AFF3: variants seen among roughly 807,000 people sequenced by gnomAD.
The protein encoded by AFF3 is ALF transcription elongation factor 3.
In AFF3, 32 loss-of-function variants were observed where a neutral mutation model predicts 129.7. The observed-to-expected ratio is 0.25, with a 90% CI of 0.19 to 0.33. The LOEUF (loss-of-function observed/expected upper bound fraction) is 0.33. AFF3 is among the 10% of genes least tolerant of loss of function. The probability of loss-of-function intolerance (pLI) is 1.00; values close to 1 mark genes in which losing one functional copy is unlikely to be tolerated. For missense variants in AFF3, 1,373 were observed against 1,592.0 expected (o/e 0.86, Z 2.34); for synonymous variants, 644 against 635.4 (o/e 1.01, Z -0.20).
chr2:99,783,333 C>T (rs72817090), intron 8 of AFF3, among the ~76,000 whole-genome samples: 4,589 of 152,310 alleles, frequency 0.03, 100 homozygotes, highest in Non-Finnish European at 0.042. Context: ...TAGAGCCTGC[C>T]TATCCCAAGG....
chr2:99,664,949 G>A (rs1686548263), intron 12 of AFF3, among the ~76,000 whole-genome samples: 1 of 152,246 alleles, frequency 6.6e-6, no homozygotes, highest in African/African-American at 2.4e-5. Context: ...TTAGATAAGA[G>A]GGAGGTCTCC....
At chr2:99,773,569 G>C (rs1683663995) in intron 8 of AFF3, among the ~76,000 whole-genome samples, 1 of 151,674 alleles carries the variant, frequency 6.6e-6, no homozygotes, top group Non-Finnish European at 1.5e-5. Flanking sequence ...TGGGGGTGGG[G>C]AATCTCAGAG....
intron 12 of AFF3, among the ~76,000 whole-genome samples, chr2:99,665,099 A>G (rs2104371651): frequency 6.6e-6 from 1 of 152,286 alleles, no homozygotes; most frequent in Non-Finnish European, 1.5e-5. Flanking sequence ...CCGGGCCACA[A>G]ATGAGCTCAG....
At position 99,618,221 on chromosome 2, in the gene AFF3, A is replaced by G. The variant is rs544719548; in HGVS notation, c.1185-16600T>C. On this transcript the variant is annotated intron_variant, in intron 13 of 24. Coordinates refer to ENST00000672756, the MANE Select transcript of AFF3 (RefSeq NM_001386135.1). ...GTTTAGATGAGAAAATGCTCATAAC[A>G]TTCTTTTTTTTTTTTTTTTTTTTTT... is the stretch of plus-strand genomic sequence containing the variant. Among the ~76,000 whole-genome samples the G allele has an allele frequency of 6.8e-5, 7 of 103,494 alleles. No homozygotes were observed. The East Asian group carries it at 1.1e-3, about 16-fold the overall frequency. 67.9% of individuals were successfully genotyped at this position (103,494 alleles called of 152,430 possible). A position where few individuals can be genotyped will look rare whatever the true frequency, so the allele number is the denominator to read the frequency against.
In AFF3 at chr2:99,587,220, G is replaced by A. The variant is rs145563096; in HGVS notation, c.2525C>T (p.Ser842Phe). ...IKKSQGEKDS[S>F]SRLATSTSNT... Reference sequence around the variant, plus strand: ...ACTGGTGGAGGTGGCCAGTCTTGAAGAGCTGTCTTTCTCTCCCTGGGACTT... The same window carrying A: ...ACTGGTGGAGGTGGCCAGTCTTGAAAAGCTGTCTTTCTCTCCCTGGGACTT... Residue 842 changes from serine (S) to phenylalanine (F), a missense_variant, in exon 16 of 25, where the codon TCT (serine) becomes TTT (phenylalanine). Physicochemically the swap from Ser to Phe is radical, Grantham distance 155. Around this residue, in one of 9 missense-constraint regions of AFF3, gnomAD observed 466 missense variants for 505.0 expected, o/e 0.92. Transcript: ENST00000672756. 9 of 1,614,082 alleles carry A rather than the reference G, an allele frequency of 5.6e-6. No homozygotes were observed. The highest frequency in any genetic ancestry group is 7.6e-6 in the Non-Finnish European group (9 of 1,180,042).
At chr2:100,051,385 ATAAATCAGCAGC>A (rs1686322563) in intron 4 of AFF3, among the ~76,000 whole-genome samples, 1 of 152,214 alleles carries the variant, frequency 6.6e-6, no homozygotes, top group Non-Finnish European at 1.5e-5. Context: ...TGATCTGCAG[ATAAATCAGCAGC>A]TCAGCAGCTT....
chr2:99,775,986 T>C (rs1483086815), intron 8 of AFF3, among the ~76,000 whole-genome samples: 1 of 152,126 alleles, frequency 6.6e-6, no homozygotes, highest in African/African-American at 2.4e-5. Context: ...AATATAAACT[T>C]TAAAATAAAC....
intron 11 of AFF3, among the ~76,000 whole-genome samples, chr2:99,679,487 C>T (rs1386410688): frequency 6.6e-6 from 1 of 152,166 alleles, no homozygotes; most frequent in Non-Finnish European, 1.5e-5. Context: ...CTCACAAAAG[C>T]CAGTCTCATT....
chr2:100,016,156 GTGC>G (rs1683029514), intron 4 of AFF3, among the ~76,000 whole-genome samples: 1 of 150,984 alleles, frequency 6.6e-6, no homozygotes, highest in East Asian at 2.0e-4. Flanking sequence ...GGTGGTAGAG[GTGC>G]TGGTGGTGGT....
chr2:99,821,526 T>C (rs537616149), intron 8 of AFF3, among the ~76,000 whole-genome samples: 1 of 152,186 alleles, frequency 6.6e-6, no homozygotes, highest in East Asian at 1.9e-4. Context: ...AAAACTCATG[T>C]TTTAAAAAAG....
chr2:99,852,912 A>G (rs550415510), intron 7 of AFF3, among the ~76,000 whole-genome samples: 3 of 152,352 alleles, frequency 2.0e-5, no homozygotes, highest in East Asian at 3.9e-4. Context: ...AGCAATATGC[A>G]ATCTCAATTT....
intron 7 of AFF3, among the ~76,000 whole-genome samples, chr2:99,939,572 A>T (rs1674838877): frequency 6.6e-6 from 1 of 152,242 alleles, no homozygotes; most frequent in Non-Finnish European, 1.5e-5. Flanking sequence ...ATTTGCAACA[A>T]ATTGAAATGA....
At chr2:100,007,070 A>G (rs1293449798) in intron 6 of AFF3, 53 bp from the exon 7 acceptor site, 2 of 1,587,760 alleles carry the variant, frequency 1.3e-6, no homozygotes, top group Non-Finnish European at 1.7e-6. Flanking sequence ...GTCGACACAT[A>G]GGGATTTTCT....
At chr2:99,888,998 G>A (rs1299036639) in intron 7 of AFF3, among the ~76,000 whole-genome samples, 5 of 152,214 alleles carry the variant, frequency 3.3e-5, no homozygotes, top group African/African-American at 4.8e-5. Flanking sequence ...TAAAAATAAT[G>A]ATGTAGCTGT....
At chr2:99,567,635 G>A (rs1415880777) in intron 19 of AFF3, among the ~76,000 whole-genome samples, 1 of 152,148 alleles carries the variant, frequency 6.6e-6, no homozygotes, top group East Asian at 1.9e-4. Flanking sequence ...CTGAGGGTGT[G>A]AGTGTGCCCA....
chr2:99,860,952 T>C (rs1406801002), intron 7 of AFF3, among the ~76,000 whole-genome samples: 1 of 152,200 alleles, frequency 6.6e-6, no homozygotes, highest in Non-Finnish European at 1.5e-5. Flanking sequence ...TGCAGCATTA[T>C]GAATAGTCAC....
intron 7 of AFF3, among the ~76,000 whole-genome samples, chr2:99,869,083 C>T (rs923021437): frequency 2.6e-5 from 4 of 152,092 alleles, no homozygotes; most frequent in African/African-American, 9.7e-5. Context: ...AGGTGTGAGC[C>T]ACCGTGCCCA....
At chr2:99,589,720 T>C (rs1678480939) in intron 15 of AFF3, among the ~76,000 whole-genome samples, 1 of 151,946 alleles carries the variant, frequency 6.6e-6, no homozygotes, top group African/African-American at 2.4e-5. Context: ...ATTTTCTAGA[T>C]GGAGAAACTG....
rs927324655 is a variant in AFF3 at position 99,878,203 on chromosome 2, C to T, written c.874-40679G>A. Among the ~76,000 whole-genome samples, 3 of 152,252 alleles carry T rather than the reference C, an allele frequency of 2.0e-5. No homozygotes were observed. The South Asian group carries it at 6.2e-4, about 32-fold the overall frequency. On this transcript the variant is annotated intron_variant, in intron 7 of 24. Coordinates refer to ENST00000672756, the MANE Select transcript of AFF3 (RefSeq NM_001386135.1). ...CGATGGCAATATTCTCTAGGTCATC[C>T]GTGAGCTTTGAGTTGTGAAGAAAAA...
Sources: gnomAD v4.1 joint callset for allele counts (sites outside exome capture counted in the v4.1 genomes callset) on GRCh38, gnomAD v4.1.1 for gene constraint, gnomAD v4.1.1 regional missense constraint, MANE v1.5 for transcripts, NCBI Gene and HGNC (gene_info 2026-07-23, HGNC 2026-07-21) for gene names.